The following FRMPD4 variants were observed in gnomAD, a reference collection of about 807,000 sequenced individuals.
FRMPD4 encodes FERM and PDZ domain-containing protein 4.
In FRMPD4, 22 loss-of-function variants were observed where a neutral mutation model predicts 94.1. The ratio of observed to expected loss-of-function variants is 0.23; its 90% CI spans 0.17 to 0.33. The LOEUF is 0.33. FRMPD4 is among the 10% of genes least tolerant of loss of function. The probability of loss-of-function intolerance (pLI) is 1.00; values close to 1 mark genes in which losing one functional copy is unlikely to be tolerated. For missense variants in FRMPD4, 1,111 were observed against 1,339.9 expected, an observed-to-expected ratio of 0.83 and a Z score of 2.67; for synonymous variants, 631 against 548.6, an observed-to-expected ratio of 1.15 and a Z score of -2.10.
intron 2 of FRMPD4, among the ~76,000 whole-genome samples, chrX:12,597,428 A>C (rs2059042182): frequency 8.9e-6 from 1 of 112,304 alleles, no homozygotes; most frequent in African/African-American, 3.2e-5. Context: ...TGAAGGATAA[A>C]TTTGACCATG....
chrX:12,672,957 G>T, intron 4 of FRMPD4, among the ~76,000 whole-genome samples: 1 of 112,207 alleles, frequency 8.9e-6, no homozygotes, highest in Non-Finnish European at 1.9e-5. Flanking sequence ...AGGAATGGTG[G>T]AAACCAGGAC....
intron 3 of FRMPD4, among the ~76,000 whole-genome samples, chrX:11,934,217 T>C (rs1601846417): frequency 8.9e-6 from 1 of 112,431 alleles, no homozygotes; most frequent in Non-Finnish European, 1.9e-5. Context: ...TTGTTAAGAT[T>C]TTATCTGTTT....
At chrX:12,155,246 A>G (rs2055915851) in intron 1 of FRMPD4, among the ~76,000 whole-genome samples, 1 of 111,958 alleles carries the variant, frequency 8.9e-6, no homozygotes, top group Non-Finnish European at 1.9e-5. Context: ...GAGAACAACA[A>G]CAAGGCTATT....
At chrX:11,942,338 T>A (rs1056358924) in intron 3 of FRMPD4, among the ~76,000 whole-genome samples, 2 of 108,485 alleles carry the variant, frequency 1.8e-5, no homozygotes, top group Non-Finnish European at 3.8e-5. Context: ...GCCTCCTGAG[T>A]AGCTGGGATT....
At chrX:12,688,145 C>T (rs765261557) in intron 7 of FRMPD4, among the ~76,000 whole-genome samples, 6 of 111,685 alleles carry the variant, frequency 5.4e-5, no homozygotes, top group Non-Finnish European at 7.5e-5. Flanking sequence ...AGATATAACC[C>T]GCAGGTCATA....
At chrX:12,307,837 A>T (rs1463533813) in intron 1 of FRMPD4, among the ~76,000 whole-genome samples, 1 of 111,838 alleles carries the variant, frequency 8.9e-6, no homozygotes, top group East Asian at 2.8e-4. Flanking sequence ...CACAGCACAC[A>T]TGAGGCAGAC....
chrX:12,095,271 G>A (rs1601934296), intron 3 of FRMPD4, among the ~76,000 whole-genome samples: 1 of 108,491 alleles, frequency 9.2e-6, no homozygotes, highest in Admixed American at 9.9e-5. Flanking sequence ...CCAGCTACTC[G>A]AGAGGCTGTG....
intron 3 of FRMPD4, among the ~76,000 whole-genome samples, chrX:11,902,160 T>G (rs2053942010): frequency 8.8e-6 from 1 of 112,997 alleles, no homozygotes; most frequent in Admixed American, 9.3e-5. Context: ...GCTTCTTTTT[T>G]GCTTTTTTCA....
intron 9 of FRMPD4, 78 bp from the exon 10 acceptor site, chrX:12,701,796 G>A: frequency 9.5e-7 from 1 of 1,053,245 alleles, no homozygotes; most frequent in Non-Finnish European, 1.3e-6. Flanking sequence ...CTCGGGAAAT[G>A]TATGTCACCT....
rs185073882 is a variant in FRMPD4, at chrX:12,072,012, C to T, written c.95+193994C>T. On this transcript the variant is annotated intron_variant, in intron 3 of 18. Transcript: ENST00000640291. ...TTGTATTTTATTAATTTATTTAGAG[C>T]CAGGGTCTTGCTCTGTTCCTCAGGC... Among the ~76,000 whole-genome samples, 456 of 111,069 alleles carry T rather than the reference C, an allele frequency of 4.1e-3. 4 individuals are homozygous for T. The highest frequency in any genetic ancestry group is 0.014 in the African/African-American group (414 of 30,565).
In FRMPD4 at chrX:12,682,427, T is replaced by G. The variant is rs561190750; in HGVS notation, c.469-1056T>G. 1.3e-3 allele frequency among the ~76,000 whole-genome samples: 144 copies of G among 112,418 alleles called. 3 individuals carry two copies. The South Asian group carries it at 0.051, about 40-fold the overall frequency. On this transcript the variant is annotated intron_variant, in intron 5 of 16. Coordinates refer to ENST00000675598, the MANE Select transcript of FRMPD4 (RefSeq NM_001368397.1). Reference sequence around the variant, plus strand: ...ACAGCCTCTATGTCTTAAGACTACATAGCATGGAAAACGTTAGTTTGAACC... The same window carrying G: ...ACAGCCTCTATGTCTTAAGACTACAGAGCATGGAAAACGTTAGTTTGAACC...
At chrX:12,235,936 T>C (rs2057066468) in intron 1 of FRMPD4, among the ~76,000 whole-genome samples, 1 of 111,587 alleles carries the variant, frequency 9.0e-6, no homozygotes, top group Non-Finnish European at 1.9e-5. Flanking sequence ...TACATGTAGC[T>C]CTTGGCACAT....
chrX:12,108,886 A>T (rs748075208), intron 3 of FRMPD4, among the ~76,000 whole-genome samples: 25 of 112,211 alleles, frequency 2.2e-4, no homozygotes, highest in African/African-American at 7.4e-4. Context: ...TCCTAAACAT[A>T]TATGCACCCA....
intron 2 of FRMPD4, among the ~76,000 whole-genome samples, chrX:12,530,531 T>G (rs1330134461): frequency 9.0e-6 from 1 of 110,771 alleles, no homozygotes; most frequent in Non-Finnish European, 1.9e-5. Context: ...AAGGGAGAGA[T>G]AATATTTCAA....
Position 12,203,429 on chromosome X carries a change from A to G in FRMPD4, c.41+64417A>G, listed in dbSNP as rs187603078. 1.1e-3 allele frequency among the ~76,000 whole-genome samples: 120 copies of G among 111,691 alleles called. 1 individual carries two copies. The highest frequency in any genetic ancestry group is 3.4e-3 in the African/African-American group (104 of 30,770). On this transcript the variant is annotated intron_variant, in intron 1 of 16. Transcript: ENST00000675598. ...AAGACACCAACAAAACACTACATAT[A>G]TATTAATGCCCAAACGTCCGACTCC...
At chrX:12,228,867 G>T (rs2056952476) in intron 1 of FRMPD4, among the ~76,000 whole-genome samples, 1 of 111,933 alleles carries the variant, frequency 8.9e-6, no homozygotes, top group Non-Finnish European at 1.9e-5. Context: ...CTTTGTCATT[G>T]TTGCCAGGTA....
intron 4 of FRMPD4, among the ~76,000 whole-genome samples, chrX:12,643,468 A>C (rs768314163): frequency 2.7e-5 from 3 of 111,829 alleles, no homozygotes; most frequent in Non-Finnish European, 3.8e-5. Flanking sequence ...GCCGTGCTAC[A>C]TGGAAAATGG....
At chrX:12,644,883 G>A (rs920962746) in intron 4 of FRMPD4, among the ~76,000 whole-genome samples, 7 of 112,045 alleles carry the variant, frequency 6.2e-5, no homozygotes, top group African/African-American at 1.9e-4. Flanking sequence ...TGGAGAAACT[G>A]CATGTGAATA....
At chrX:12,611,298 C>T (rs1050021492) in intron 3 of FRMPD4, among the ~76,000 whole-genome samples, 14 of 112,039 alleles carry the variant, frequency 1.2e-4, no homozygotes, top group African/African-American at 4.5e-4. Context: ...TAGGATTTTG[C>T]AAATCAGTAA....
Sources: allele counts gnomAD v4.1 joint callset (sites outside exome capture counted in the v4.1 genomes callset), GRCh38; gene constraint gnomAD v4.1.1; transcripts MANE v1.5; gene names NCBI Gene and HGNC (gene_info 2026-07-23, HGNC 2026-07-21).